ANKS1B: variants seen among roughly 807,000 people sequenced by gnomAD.
ANKS1B encodes ankyrin repeat and sterile alpha motif domain-containing protein 1B.
Under a neutral mutation model 148.3 loss-of-function variants are expected in ANKS1B, and 36 were observed. That is an observed-to-expected ratio of 0.24 (90% CI 0.19 to 0.32). The LOEUF (loss-of-function observed/expected upper bound fraction) is 0.32, where lower values mean the gene tolerates loss of function less well. Ranked by LOEUF, ANKS1B falls within the 10% of genes least tolerant of loss-of-function variation. The pLI is 1.00. For missense variants in ANKS1B, 1,157 were observed against 1,542.6 expected, an observed-to-expected ratio of 0.75 and a Z score of 4.19; for synonymous variants, 542 against 560.8, an observed-to-expected ratio of 0.97 and a Z score of 0.47.
At chr12:99,338,357 G>T (rs2089328963) in intron 12 of ANKS1B, among the ~76,000 whole-genome samples, 1 of 152,084 alleles carries the variant, frequency 6.6e-6, no homozygotes, top group African/African-American at 2.4e-5. Context: ...ATTCACTCAG[G>T]GCCCAAAGGC....
At chr12:99,688,151 G>A (rs1050282499) in intron 8 of ANKS1B, among the ~76,000 whole-genome samples, 1 of 152,106 alleles carries the variant, frequency 6.6e-6, no homozygotes, top group African/African-American at 2.4e-5. Context: ...CCCACTCTGT[G>A]GGAGCTCTGA....
intron 17 of ANKS1B, among the ~76,000 whole-genome samples, chr12:98,957,157 T>G (rs2099863548): frequency 6.6e-6 from 1 of 152,134 alleles, no homozygotes; most frequent in Non-Finnish European, 1.5e-5. Flanking sequence ...ATTTCCTTCT[T>G]TATCCCAAAA....
chr12:99,453,126 T>C (rs2095783229), intron 10 of ANKS1B, among the ~76,000 whole-genome samples: 1 of 151,906 alleles, frequency 6.6e-6, no homozygotes. Flanking sequence ...CCGTCTCTAC[T>C]AAAAATACAA....
At chr12:99,634,832 G>A (rs759723325) in intron 9 of ANKS1B, among the ~76,000 whole-genome samples, 8 of 152,066 alleles carry the variant, frequency 5.3e-5, no homozygotes, top group Non-Finnish European at 1.0e-4. Flanking sequence ...GAGTAAAAAG[G>A]CAATCTATGA....
intron 15 of ANKS1B, among the ~76,000 whole-genome samples, chr12:99,107,296 G>A (rs1407655567): frequency 2.0e-5 from 3 of 151,988 alleles, no homozygotes; most frequent in Non-Finnish European, 4.4e-5. Context: ...CACTCTTTGG[G>A]TTGCGGTGCC....
intron 17 of ANKS1B, among the ~76,000 whole-genome samples, chr12:98,903,285 C>T (rs976748244): frequency 2.0e-5 from 3 of 152,018 alleles, no homozygotes; most frequent in Admixed American, 2.0e-4. Context: ...CCCAACTCTC[C>T]CACACTTAGC....
intron 12 of ANKS1B, among the ~76,000 whole-genome samples, chr12:99,254,158 G>T (rs373349955): frequency 6.6e-6 from 1 of 152,312 alleles, no homozygotes; most frequent in South Asian, 2.1e-4. Flanking sequence ...CTTGAAGGAG[G>T]TCTGAGGAAT....
At chr12:99,194,952 A>G (rs1002169882) in intron 14 of ANKS1B, among the ~76,000 whole-genome samples, 1 of 152,164 alleles carries the variant, frequency 6.6e-6, no homozygotes, top group Non-Finnish European at 1.5e-5. Flanking sequence ...ACTTCTGTAT[A>G]TATTTGAATT....
At chr12:99,223,858 C>T (rs1287363304) in intron 14 of ANKS1B, among the ~76,000 whole-genome samples, 1 of 152,158 alleles carries the variant, frequency 6.6e-6, no homozygotes, top group Non-Finnish European at 1.5e-5. Context: ...AGCTGTGAAG[C>T]GTTTGACTGT....
At chr12:98,787,717 C>G (rs188531427) in intron 22 of ANKS1B, among the ~76,000 whole-genome samples, 1 of 151,680 alleles carries the variant, frequency 6.6e-6, no homozygotes, top group African/African-American at 2.4e-5. Context: ...CTCAGGAGTT[C>G]GAGACCAGCC....
chr12:99,261,090 G>C (rs1299856828), intron 12 of ANKS1B, among the ~76,000 whole-genome samples: 1 of 152,112 alleles, frequency 6.6e-6, no homozygotes, highest in Non-Finnish European at 1.5e-5. Context: ...TGGTGTTCTA[G>C]CTCTGCAAAA....
At chr12:98,849,016 G>C (rs540869802) in intron 17 of ANKS1B, among the ~76,000 whole-genome samples, 1 of 151,996 alleles carries the variant, frequency 6.6e-6, no homozygotes, top group Non-Finnish European at 1.5e-5. Flanking sequence ...TGGGATTACA[G>C]GCATGAGCCA....
At chr12:99,528,520 A>G (rs890973592) in intron 9 of ANKS1B, among the ~76,000 whole-genome samples, 1 of 152,114 alleles carries the variant, frequency 6.6e-6, no homozygotes, top group East Asian at 1.9e-4. Context: ...TGCATCTGAC[A>G]AAGGTCTAAT....
intron 10 of ANKS1B, among the ~76,000 whole-genome samples, chr12:99,469,057 C>T (rs1174817342): frequency 2.0e-5 from 3 of 151,874 alleles, no homozygotes; most frequent in African/African-American, 4.8e-5. Context: ...CCAACAATGA[C>T]AGACTGGATT....
intron 25 of ANKS1B, among the ~76,000 whole-genome samples, chr12:98,753,450 AG>A (rs956187384): frequency 1.3e-5 from 2 of 151,772 alleles, no homozygotes; most frequent in African/African-American, 2.4e-5. Flanking sequence ...TTTTTGAGAC[AG>A]AGTTTTGCTC....
intron 10 of ANKS1B, among the ~76,000 whole-genome samples, chr12:99,468,303 G>A (rs2096170092): frequency 6.6e-6 from 1 of 151,542 alleles, no homozygotes; most frequent in Non-Finnish European, 1.5e-5. Context: ...ATGGATTAAA[G>A]ACTTAAACAT....
intron 12 of ANKS1B, among the ~76,000 whole-genome samples, chr12:99,338,775 A>G (rs1487479752): frequency 1.3e-5 from 2 of 152,104 alleles, no homozygotes; most frequent in Non-Finnish European, 2.9e-5. Context: ...TCCCTTCAAG[A>G]TAGTGGGTTC....
intron 17 of ANKS1B, among the ~76,000 whole-genome samples, chr12:98,934,968 T>G (rs1012420067): frequency 6.6e-6 from 1 of 152,090 alleles, no homozygotes; most frequent in African/African-American, 2.4e-5. Flanking sequence ...TTGGGCACCT[T>G]TTTTCCTTGC....
chr12:99,543,250 G>A (rs975979260), intron 9 of ANKS1B, among the ~76,000 whole-genome samples: 4 of 152,048 alleles, frequency 2.6e-5, no homozygotes, highest in Non-Finnish European at 4.4e-5. Context: ...TTAGAGAAAT[G>A]CAAATCAAAA....
Sources: allele counts gnomAD v4.1 joint callset (sites outside exome capture counted in the v4.1 genomes callset), GRCh38; gene constraint gnomAD v4.1.1; transcripts MANE v1.5; gene names NCBI Gene and HGNC (gene_info 2026-07-23, HGNC 2026-07-21).